COTL1: variants seen among roughly 807,000 people sequenced by gnomAD.
COTL1 encodes coactosin-like protein.
Under a neutral mutation model 16.5 loss-of-function variants are expected in COTL1, and 15 were observed. The ratio of observed to expected loss-of-function variants is 0.91; its 90% CI spans 0.61 to 1.40. COTL1 has a LOEUF of 1.40. Ranked by LOEUF, COTL1 falls within the 40% of genes most tolerant of loss-of-function variation. The pLI, the probability that COTL1 is intolerant of heterozygous loss-of-function variation, is 0.00. For missense variants in COTL1, 220 were observed against 201.5 expected (o/e 1.09, Z -0.56); for synonymous variants, 112 against 85.3 (o/e 1.31, Z -1.73).
intron 3 of COTL1, among the ~76,000 whole-genome samples, chr16:84,584,211 C>T (rs927931766): frequency 2.6e-5 from 4 of 152,246 alleles, no homozygotes; most frequent in South Asian, 2.1e-4. Context: ...GCGCATTCCC[C>T]GGACTGGAGT....
intron 2 of COTL1, chr16:84,596,210 C>G (rs1032856410): frequency 2.6e-5 from 4 of 152,318 alleles, no homozygotes; most frequent in African/African-American, 9.6e-5. Flanking sequence ...ATGCCATGAG[C>G]TCCTTCTGCT....
At chr16:84,613,965 T>G (rs1905400729) in intron 2 of COTL1, among the ~76,000 whole-genome samples, 1 of 152,154 alleles carries the variant, frequency 6.6e-6, no homozygotes, top group Admixed American at 6.5e-5. Flanking sequence ...CAAAGAGGCT[T>G]GCTCCGTCTT....
At chr16:84,592,795 G>A (rs546209041) in intron 2 of COTL1, among the ~76,000 whole-genome samples, 3 of 152,178 alleles carry the variant, frequency 2.0e-5, no homozygotes, top group East Asian at 3.9e-4. Flanking sequence ...CAGCACGTTC[G>A]CCTTCAACAA....
At chr16:84,574,883 A>G (rs1423662984) in intron 3 of COTL1, among the ~76,000 whole-genome samples, 5 of 152,176 alleles carry the variant, frequency 3.3e-5, no homozygotes, top group African/African-American at 4.8e-5. Context: ...ATAAACATCC[A>G]TTGAAACCTG....
chr16:84,566,575 CA>C lies in COTL1; in HGVS notation c.*269del. Reference sequence around the variant, plus strand: ...TCTGATGGCAGGCAGGACCTTGCATCAAAATGACTTTTCTTTAGAACAAAAA... The same window carrying C: ...TCTGATGGCAGGCAGGACCTTGCATCAAATGACTTTTCTTTAGAACAAAAA... On this transcript the variant is annotated 3_prime_UTR_variant, in exon 4 of 4. Coordinates refer to ENST00000262428, the MANE Select transcript of COTL1 (RefSeq NM_021149.5). 2.5e-6 allele frequency: 1 copy of C among 398,980 alleles called. No individual in the cohort carries two copies. The highest frequency in any genetic ancestry group is 4.6e-6 in the Non-Finnish European group (1 of 219,398). 24.7% of individuals were successfully genotyped at this position (398,980 alleles called of 1,614,324 possible). A position where few individuals can be genotyped will look rare whatever the true frequency, so the allele number is the denominator to read the frequency against.
chr16:84,584,202 C>G (rs961873056), intron 3 of COTL1, among the ~76,000 whole-genome samples: 1 of 152,246 alleles, frequency 6.6e-6, no homozygotes, highest in Non-Finnish European at 1.5e-5. Context: ...GTGCGTTCAG[C>G]GCATTCCCCG....
At chr16:84,570,127 T>A (rs1904317904) in intron 3 of COTL1, among the ~76,000 whole-genome samples, 1 of 151,974 alleles carries the variant, frequency 6.6e-6, no homozygotes, top group African/African-American at 2.4e-5. Context: ...AATATAAAAA[T>A]CAGCTGGGTG....
At chr16:84,598,910 G>C (rs1277698258) in intron 2 of COTL1, among the ~76,000 whole-genome samples, 1 of 151,602 alleles carries the variant, frequency 6.6e-6, no homozygotes, top group African/African-American at 2.4e-5. Context: ...GGGGATGTGG[G>C]AGAAAACCCA....
chr16:84,600,238 A>C (rs962020697), intron 2 of COTL1, among the ~76,000 whole-genome samples: 3 of 152,180 alleles, frequency 2.0e-5, no homozygotes, highest in Non-Finnish European at 4.4e-5. Flanking sequence ...AAAAAGTGTA[A>C]AAACTGAAAC....
intron 3 of COTL1, among the ~76,000 whole-genome samples, chr16:84,588,007 C>T (rs35113663): frequency 9.9e-5 from 15 of 151,922 alleles, no homozygotes; most frequent in African/African-American, 3.1e-4. Context: ...CCTGACCTTA[C>T]GTGATCCGCC....
At chr16:84,589,872 C>T (rs1299188590) in intron 3 of COTL1, among the ~76,000 whole-genome samples, 1 of 152,154 alleles carries the variant, frequency 6.6e-6, no homozygotes, top group Non-Finnish European at 1.5e-5. Context: ...AGCTGCCAAG[C>T]TTCTGTTATG....
intron 3 of COTL1, among the ~76,000 whole-genome samples, chr16:84,579,342 G>C (rs1009485281): frequency 2.0e-5 from 3 of 152,194 alleles, no homozygotes; most frequent in African/African-American, 7.2e-5. Context: ...TACCAAATTA[G>C]CTGGGTGTGT....
intron 2 of COTL1, among the ~76,000 whole-genome samples, chr16:84,597,032 C>T (rs1485573060): frequency 2.0e-5 from 3 of 152,200 alleles, no homozygotes; most frequent in Non-Finnish European, 4.4e-5. Context: ...GCATCCCAGC[C>T]GGCTTCCTTC....
At chr16:84,606,336 C>A (rs1171252214) in intron 2 of COTL1, among the ~76,000 whole-genome samples, 1 of 152,176 alleles carries the variant, frequency 6.6e-6, no homozygotes, top group African/African-American at 2.4e-5. Context: ...GGACGGCGGG[C>A]CCTCCTGTGT....
chr16:84,591,737 C>T (rs1904870284), intron 2 of COTL1, among the ~76,000 whole-genome samples: 1 of 147,224 alleles, frequency 6.8e-6, no homozygotes, highest in East Asian at 2.0e-4. Flanking sequence ...GTGGGAGGAT[C>T]ACTTGAGCCC....
At chr16:84,605,598 G>T (rs1905196528) in intron 2 of COTL1, among the ~76,000 whole-genome samples, 1 of 152,218 alleles carries the variant, frequency 6.6e-6, no homozygotes, top group South Asian at 2.1e-4. Flanking sequence ...CAGAACCAGA[G>T]AGCTGGCATC....
At chr16:84,612,139 G>A (rs1276964306) in intron 2 of COTL1, among the ~76,000 whole-genome samples, 3 of 152,106 alleles carry the variant, frequency 2.0e-5, no homozygotes, top group Admixed American at 1.3e-4. Context: ...CATTTATGGA[G>A]TGCTCACTAT....
intron 3 of COTL1, chr16:84,575,414 A>G (rs913653841): frequency 6.6e-6 from 1 of 151,904 alleles, no homozygotes; most frequent in African/African-American, 2.4e-5. Context: ...ACTGGAGTGC[A>G]GTGGTGCAAT....
intron 2 of COTL1, among the ~76,000 whole-genome samples, chr16:84,607,279 T>C (rs770846494): frequency 6.6e-6 from 1 of 151,874 alleles, no homozygotes; most frequent in East Asian, 1.9e-4. Context: ...GCGAAACAGA[T>C]GAAGACAGTG....
Sources: allele counts gnomAD v4.1 joint callset (sites outside exome capture counted in the v4.1 genomes callset), GRCh38; gene constraint gnomAD v4.1.1; transcripts MANE v1.5; gene names NCBI Gene and HGNC (gene_info 2026-07-23, HGNC 2026-07-21).